Variants in PTPRT observed in about 807,000 individuals in gnomAD.
The protein encoded by PTPRT is protein tyrosine phosphatase receptor type T, also known as receptor-type tyrosine-protein phosphatase T.
In PTPRT, 56 loss-of-function variants were observed where a neutral mutation model predicts 176.8. The ratio of observed to expected loss-of-function variants is 0.32; its 90% CI spans 0.26 to 0.40. The LOEUF is 0.40. Among genes scored for constraint, PTPRT ranks in the 10% least tolerant of loss-of-function variants. The probability of loss-of-function intolerance (pLI) is 1.00; values close to 1 mark genes in which losing one functional copy is unlikely to be tolerated. For synonymous variants in PTPRT, 783 were observed against 739.0 expected, an observed-to-expected ratio of 1.06 and a Z score of -0.96; for missense variants, 1,540 against 1,908.2, an observed-to-expected ratio of 0.81 and a Z score of 3.60.
At chr20:42,411,016 G>C (rs950714063) in intron 9 of PTPRT, among the ~76,000 whole-genome samples, 2 of 151,976 alleles carry the variant, frequency 1.3e-5, no homozygotes, top group Non-Finnish European at 2.9e-5. Flanking sequence ...TCTAAATTAA[G>C]AAACTAGAAA....
chr20:42,518,533 A>C (rs898936597), intron 7 of PTPRT, among the ~76,000 whole-genome samples: 5 of 152,056 alleles, frequency 3.3e-5, no homozygotes, highest in African/African-American at 1.2e-4. Flanking sequence ...ATTTCACATA[A>C]ATTTTTAAAT....
At chr20:42,579,683 T>A (rs1169633082) in intron 7 of PTPRT, among the ~76,000 whole-genome samples, 1 of 152,228 alleles carries the variant, frequency 6.6e-6, no homozygotes, top group Non-Finnish European at 1.5e-5. Flanking sequence ...TTTTTTCATG[T>A]CTTTTGGCTG....
chr20:42,504,942 A>T (rs946951423), intron 7 of PTPRT, among the ~76,000 whole-genome samples: 45 of 152,162 alleles, frequency 3.0e-4, no homozygotes, highest in Non-Finnish European at 1.0e-4. Context: ...CATCTGTGAA[A>T]TTTATGCATG....
chr20:42,056,732 C>A, the PTPRT span, among the ~76,000 whole-genome samples: 1 of 152,174 alleles, frequency 6.6e-6, no homozygotes, highest in East Asian at 1.9e-4. Flanking sequence ...CATGATGATA[C>A]AATTTATCAT....
At chr20:42,163,222 AGT>A (rs1045979926) in intron 16 of PTPRT, among the ~76,000 whole-genome samples, 2 of 152,154 alleles carry the variant, frequency 1.3e-5, no homozygotes, top group Non-Finnish European at 2.9e-5. Flanking sequence ...TCGTAGGCAG[AGT>A]GTGGTCTCTA....
intron 11 of PTPRT, among the ~76,000 whole-genome samples, chr20:42,348,132 G>A (rs907009704): frequency 6.6e-6 from 1 of 152,186 alleles, no homozygotes; most frequent in South Asian, 2.1e-4. Context: ...GTGAATGAAG[G>A]TCAAGATAAC....
At chr20:42,204,090 C>T (rs1445129192) in intron 15 of PTPRT, among the ~76,000 whole-genome samples, 1 of 152,134 alleles carries the variant, frequency 6.6e-6, no homozygotes. Context: ...ATTACAACCA[C>T]TTTAAAAGTA....
At chr20:43,128,504 C>A (rs1012134348) in intron 1 of PTPRT, among the ~76,000 whole-genome samples, 1 of 152,212 alleles carries the variant, frequency 6.6e-6, no homozygotes, top group Admixed American at 6.5e-5. Context: ...CCCAGCACAA[C>A]CACTATGGGG....
chr20:42,263,960 G>A (rs898895166), intron 13 of PTPRT, among the ~76,000 whole-genome samples: 1 of 152,134 alleles, frequency 6.6e-6, no homozygotes, highest in Non-Finnish European at 1.5e-5. Flanking sequence ...GACATGAGTT[G>A]TAGCAGTGAG....
chr20:42,995,887 G>A (rs1291289670), intron 1 of PTPRT, among the ~76,000 whole-genome samples: 1 of 151,824 alleles, frequency 6.6e-6, no homozygotes, highest in African/African-American at 2.4e-5. Flanking sequence ...AGTGGTCATA[G>A]CTCACTGCAG....
intron 7 of PTPRT, among the ~76,000 whole-genome samples, chr20:42,564,544 A>T (rs917082452): frequency 2.6e-5 from 4 of 152,312 alleles, no homozygotes; most frequent in African/African-American, 9.6e-5. Flanking sequence ...ACATGGACAC[A>T]GGGAGGGTAA....
intron 11 of PTPRT, among the ~76,000 whole-genome samples, chr20:42,344,684 G>A (rs1306330232): frequency 6.6e-6 from 1 of 152,110 alleles, no homozygotes; most frequent in Non-Finnish European, 1.5e-5. Context: ...CATGGACTAG[G>A]GGCCTGTTTG....
intron 27 of PTPRT, among the ~76,000 whole-genome samples, chr20:42,092,727 T>G (rs1187440480): frequency 6.6e-6 from 1 of 152,210 alleles, no homozygotes; most frequent in East Asian, 1.9e-4. Flanking sequence ...ATGGGGATAT[T>G]AGGAGTTGCT....
chr20:42,467,651 A>C (rs2071122307), intron 8 of PTPRT, among the ~76,000 whole-genome samples: 1 of 152,200 alleles, frequency 6.6e-6, no homozygotes, highest in African/African-American at 2.4e-5. Context: ...TGATTTCTGC[A>C]CTTTACTTTC....
chr20:42,745,758 T>C (rs1216090024), intron 6 of PTPRT, among the ~76,000 whole-genome samples: 1 of 152,160 alleles, frequency 6.6e-6, no homozygotes, highest in Non-Finnish European at 1.5e-5. Flanking sequence ...AAAATTAGCA[T>C]AAGGAGGGTC....
intron 9 of PTPRT, among the ~76,000 whole-genome samples, chr20:42,421,343 C>T (rs148076476): frequency 1.3e-5 from 2 of 152,096 alleles, no homozygotes; most frequent in South Asian, 2.1e-4. Context: ...TGGCGGTCTC[C>T]AAAAGATACA....
Position 42,958,441 on chromosome 20 carries a change from G to A in PTPRT, c.89-72509C>T, listed in dbSNP as rs148486183. Among the ~76,000 whole-genome samples the A allele has an allele frequency of 8.0e-4, 75 of 94,196 alleles. 1 individual carries two copies. The highest frequency in any genetic ancestry group is 2.7e-3 in the African/African-American group (70 of 25,658). The allele number at this position is 94,196 out of a possible 152,430, so 61.8% of individuals were successfully genotyped here. ...GGGAGGAAAGGAGGAAGGGAGGAAG[G>A]GTGAGGAGGAAAGGAGGGGGGAGGG... On this transcript the variant is annotated intron_variant, in intron 1 of 30. Transcript: ENST00000373187.
intron 3 of PTPRT, among the ~76,000 whole-genome samples, chr20:42,790,786 C>A (rs1296046380): frequency 2.6e-5 from 4 of 152,188 alleles, no homozygotes; most frequent in Non-Finnish European, 1.5e-5. Context: ...CCTTCCCCAG[C>A]AAACACCCCA....
intron 1 of PTPRT, among the ~76,000 whole-genome samples, chr20:42,887,921 C>T (rs891258964): frequency 6.6e-6 from 1 of 152,130 alleles, no homozygotes; most frequent in Admixed American, 6.5e-5. Flanking sequence ...AATGAGATCG[C>T]ACCCTTATAA....
Sources: gnomAD v4.1 joint callset for allele counts (sites outside exome capture counted in the v4.1 genomes callset) on GRCh38, gnomAD v4.1.1 for gene constraint, MANE v1.5 for transcripts, NCBI Gene and HGNC (gene_info 2026-07-23, HGNC 2026-07-21) for gene names.